The following FAM47E variants were observed in gnomAD, a reference collection of about 807,000 sequenced individuals.
FAM47E encodes the protein protein FAM47E.
FAM47E carries 32 observed loss-of-function variants against 41.6 expected under a neutral mutation model. That is an observed-to-expected ratio of 0.77 (90% CI 0.58 to 1.03). The LOEUF (loss-of-function observed/expected upper bound fraction) is 1.03. Among genes scored for constraint, FAM47E ranks in the 50% least tolerant of loss-of-function variants. The probability of loss-of-function intolerance (pLI) is 0.00; values close to 1 mark genes in which losing one functional copy is unlikely to be tolerated. For missense variants in FAM47E, 424 were observed against 485.4 expected (o/e 0.87, Z 1.19); for synonymous variants, 184 against 188.7 (o/e 0.98, Z 0.20).
intron 1 of FAM47E, among the ~76,000 whole-genome samples, chr4:76,254,306 G>T (rs922583381): frequency 6.6e-6 from 1 of 152,168 alleles, no homozygotes; most frequent in African/African-American, 2.4e-5. Flanking sequence ...ATTTCATGAA[G>T]TGCTTGGATG....
chr4:76,230,875 A>C (rs1211196117), intron 2 of FAM47E, among the ~76,000 whole-genome samples: 1 of 152,142 alleles, frequency 6.6e-6, no homozygotes, highest in African/African-American at 2.4e-5. Flanking sequence ...CGTGGCCTTT[A>C]TCCATCAAAC....
At chr4:76,270,539 T>C (rs1231164473) in intron 4 of FAM47E, among the ~76,000 whole-genome samples, 2 of 152,176 alleles carry the variant, frequency 1.3e-5, no homozygotes, top group Non-Finnish European at 2.9e-5. Context: ...CCACTATGCC[T>C]AGTATCCAAA....
chr4:76,237,281 C>T (rs945722581), intron 2 of FAM47E, among the ~76,000 whole-genome samples: 2 of 151,520 alleles, frequency 1.3e-5, no homozygotes, highest in African/African-American at 2.4e-5. Context: ...CACTTCCCAT[C>T]ATGCCTCAGG....
intron 1 of FAM47E, among the ~76,000 whole-genome samples, chr4:76,252,794 T>C (rs148115603): frequency 6.6e-6 from 1 of 152,296 alleles, no homozygotes; most frequent in African/African-American, 2.4e-5. Context: ...AGGTCCCATG[T>C]ACCCTTCCCC....
chr4:76,236,965 G>A (rs1733598421), intron 2 of FAM47E, among the ~76,000 whole-genome samples: 2 of 149,282 alleles, frequency 1.3e-5, no homozygotes, highest in African/African-American at 2.5e-5. Flanking sequence ...GCATGATCTC[G>A]GCTCACTGCA....
intron 1 of FAM47E, among the ~76,000 whole-genome samples, chr4:76,252,242 T>G (rs1440271918): frequency 1.3e-5 from 2 of 152,062 alleles, no homozygotes; most frequent in African/African-American, 4.8e-5. Flanking sequence ...GCCTTTGGTA[T>G]CCAGATGGCG....
At chr4:76,254,546 G>C (rs577980891) in intron 1 of FAM47E, among the ~76,000 whole-genome samples, 1 of 152,180 alleles carries the variant, frequency 6.6e-6, no homozygotes, top group East Asian at 1.9e-4. Context: ...AGTAGAGTTG[G>C]GTTAAGCCCT....
At position 76,268,685 on chromosome 4, in the gene FAM47E, G is replaced by A. The variant is rs910059965; in HGVS notation, c.586G>A (p.Ala196Thr). Residue 196 changes from alanine to threonine, a missense_variant, in exon 4 of 8, where the codon GCA becomes ACA. Coordinates refer to ENST00000424749, the MANE Select transcript of FAM47E (RefSeq NM_001136570.3). ...TTCCAAGAAGACGTCTGTGTCAAACGCAGGCCAATGGCTTTATGAAGAAAA... is the reference window on the plus strand; with the variant it reads ...TTCCAAGAAGACGTCTGTGTCAAACACAGGCCAATGGCTTTATGAAGAAAA... Reference protein sequence around the residue: ...GPSKKTSVSNAGQWLYEEKPH... With the variant: ...GPSKKTSVSNTGQWLYEEKPH... 7.1e-6 allele frequency: 11 copies of A among 1,551,152 alleles called. No homozygotes were observed. Among genetic ancestry groups the A allele is most frequent in the Admixed American group, 3.9e-5 (2 of 50,930 alleles).
chr4:76,227,771 A>G (rs557193781), intron 2 of FAM47E, among the ~76,000 whole-genome samples: 2 of 152,326 alleles, frequency 1.3e-5, no homozygotes, highest in East Asian at 1.9e-4. Context: ...TCTTGTCACT[A>G]TATAATGTGC....
At chr4:76,249,680 T>C (rs920205015), upstream of FAM47E, among the ~76,000 whole-genome samples, 2 of 152,090 alleles carry the variant, frequency 1.3e-5, no homozygotes, top group Non-Finnish European at 2.9e-5. Context: ...TAGTCTTTTA[T>C]CTCTTGTCCC....
chr4:76,280,920 G>A (rs1735321232), intron 7 of FAM47E: 1 of 152,428 alleles, frequency 6.6e-6, no homozygotes, highest in Non-Finnish European at 1.5e-5. Flanking sequence ...TGTAAAGCTG[G>A]CCCCAGCATC....
At chr4:76,230,663 C>T (rs1030168597) in intron 2 of FAM47E, among the ~76,000 whole-genome samples, 5 of 152,116 alleles carry the variant, frequency 3.3e-5, no homozygotes, top group East Asian at 1.9e-4. Flanking sequence ...GAGGAAAGAG[C>T]GTCCTCTTTC....
At chr4:76,244,946 T>C (rs758835895) in intron 2 of FAM47E, among the ~76,000 whole-genome samples, 6 of 152,260 alleles carry the variant, frequency 3.9e-5, no homozygotes, top group Admixed American at 6.5e-5. Context: ...AGTTTCATTC[T>C]GTTTTTCTTC....
At chr4:76,250,322 CT>C (rs994277162), upstream of FAM47E, among the ~76,000 whole-genome samples, 9 of 152,170 alleles carry the variant, frequency 5.9e-5, no homozygotes, top group Middle Eastern at 6.8e-3. Context: ...GATATCTAGC[CT>C]TTTTTCATAT....
chr4:76,256,616 A>G (rs1734204280), intron 2 of FAM47E, 93 bp downstream of exon 2: 4 of 1,389,892 alleles, frequency 2.9e-6, no homozygotes, highest in Middle Eastern at 2.0e-4. Flanking sequence ...AGAGGGTGAC[A>G]TATTTATAAG....
intron 3 of FAM47E, among the ~76,000 whole-genome samples, chr4:76,267,087 A>G (rs4859651): frequency 0.35 from 53,484 of 151,910 alleles, 10,066 homozygotes; most frequent in Admixed American, 0.42. Context: ...TTTGTTTACT[A>G]TCTGTCTCTC....
intron 2 of FAM47E, among the ~76,000 whole-genome samples, chr4:76,240,591 A>G (rs989642041): frequency 3.3e-5 from 5 of 151,838 alleles, no homozygotes; most frequent in African/African-American, 1.2e-4. Flanking sequence ...TTTTTTCTTT[A>G]TATTCCTCAG....
intron 5 of FAM47E, among the ~76,000 whole-genome samples, chr4:76,272,690 A>T (rs2110021227): frequency 6.6e-6 from 1 of 152,284 alleles, no homozygotes; most frequent in South Asian, 2.1e-4. Context: ...GGTATTAGAC[A>T]GGCAAATTAT....
intron 2 of FAM47E, among the ~76,000 whole-genome samples, chr4:76,239,746 T>C (rs916677004): frequency 6.6e-6 from 1 of 152,220 alleles, no homozygotes; most frequent in African/African-American, 2.4e-5. Flanking sequence ...ATCCAATTTG[T>C]GTTCTTTTGT....
Sources: gnomAD v4.1 joint callset for allele counts (sites outside exome capture counted in the v4.1 genomes callset) on GRCh38, gnomAD v4.1.1 for gene constraint, MANE v1.5 for transcripts, NCBI Gene and HGNC (gene_info 2026-07-23, HGNC 2026-07-21) for gene names.